The following HUWE1 variants were observed in gnomAD, a reference collection of about 807,000 sequenced individuals.
HUWE1 encodes E3 ubiquitin-protein ligase HUWE1.
HUWE1 carries 18 observed loss-of-function variants against 299.4 expected under a neutral mutation model. The observed-to-expected ratio is 0.06, with a 90% CI of 0.04 to 0.09. HUWE1 has a LOEUF of 0.09. Among genes scored for constraint, HUWE1 ranks in the 10% least tolerant of loss-of-function variants. The probability of loss-of-function intolerance (pLI) is 1.00; values close to 1 mark genes in which losing one functional copy is unlikely to be tolerated. For missense variants in HUWE1, 1,832 were observed against 3,462.3 expected (o/e 0.53, Z 11.82); for synonymous variants, 1,317 against 1,286.1 (o/e 1.02, Z -0.51).
chrX:53,533,502 C>A, intron 83 of HUWE1, 91 bp from the exon 84 acceptor site: 1 of 597,575 alleles, frequency 1.7e-6, no homozygotes, highest in East Asian at 3.5e-5. Context: ...CCTCCCCTCC[C>A]TGAAGAAACC....
chrX:53,604,927 GGAAGCCTCTCA>G (rs1286365421), intron 25 of HUWE1, 93 bp from the exon 26 acceptor site: 33 of 926,238 alleles, frequency 3.6e-5, no homozygotes, highest in Non-Finnish European at 5.0e-5. Flanking sequence ...ACAATTAAAT[GGAAGCCTCTCA>G]GATTTTGGAT....
At chrX:53,606,827 G>A (rs781979152) in intron 25 of HUWE1, among the ~76,000 whole-genome samples, 1 of 111,211 alleles carries the variant, frequency 9.0e-6, no homozygotes, top group Non-Finnish European at 1.9e-5. Flanking sequence ...TGGGGAGAGG[G>A]GAGGATGAGA....
Position 53,548,992 on chromosome X carries a change from T to G in HUWE1, c.10002A>C (p.Arg3334Ser). 3 of 1,206,433 alleles carry G rather than the reference T, an allele frequency of 2.5e-6. No individual in the cohort carries two copies. The highest frequency in any genetic ancestry group is 3.4e-6 in the Non-Finnish European group (3 of 892,685). ...ATTGAATGAGTGTATCCAAAACGTGTCTGCAGACAACAGGAGCAGCTTGGG... is the reference window on the plus strand; with the variant it reads ...ATTGAATGAGTGTATCCAAAACGTGGCTGCAGACAACAGGAGCAGCTTGGG... Reference protein sequence around the residue: ...IHPQAAPVVCRHVLDTLIQLA... With the variant: ...IHPQAAPVVCSHVLDTLIQLA... The change falls in exon 67 of 84, where the codon AGA becomes AGC. Residue 3334 changes from arginine to serine, a missense_variant. Arg to Ser is a moderately radical substitution (Grantham distance 110). Around this residue, in one of 15 missense-constraint regions of HUWE1, gnomAD observed 80 missense variants for 142.1 expected, o/e 0.56. Coordinates refer to ENST00000262854, the MANE Select transcript of HUWE1 (RefSeq NM_031407.7).
chrX:53,628,641 G>C (rs1557020097), intron 14 of HUWE1, 21 bp from the exon 15 acceptor site: 1 of 1,190,436 alleles, frequency 8.4e-7, no homozygotes, highest in Admixed American at 2.3e-5. Context: ...GGTGGGGAGA[G>C]GGAGAACAAA....
At chrX:53,680,389 A>C (rs2070066589) in intron 2 of HUWE1, among the ~76,000 whole-genome samples, 1 of 112,414 alleles carries the variant, frequency 8.9e-6, no homozygotes, top group African/African-American at 3.2e-5. Flanking sequence ...TAATACTTCT[A>C]ACGCTTAGAC....
At position 53,575,766 on chromosome X, in the gene HUWE1, A is replaced by G; in HGVS notation, c.5907T>C (p.Pro1969=). Residue 1969 remains proline (P), a synonymous_variant, in exon 45 of 84, where the codon CCT becomes CCC. Coordinates refer to ENST00000262854, the MANE Select transcript of HUWE1 (RefSeq NM_031407.7). The part of the protein sequence containing the change: ...PEEADKSDPK[P]GVMTQEVGQL... ...GGCCAACCTCTTGGGTCATAACCCC[A>G]GGTTTAGGATCAGATTTATCTGCTA... is the stretch of plus-strand genomic sequence containing the variant. The G allele has an allele frequency of 8.3e-7, 1 of 1,211,709 alleles. No homozygotes were observed. The highest frequency in any genetic ancestry group is 1.8e-5 in the South Asian group (1 of 56,969).
At position 53,561,746 on chromosome X, in the gene HUWE1, T is replaced by C; in HGVS notation, c.7507+10A>G. The C allele has an allele frequency of 8.3e-7, 1 of 1,210,670 alleles. No individual in the cohort carries two copies. Among genetic ancestry groups the C allele is most frequent in the Non-Finnish European group, 1.1e-6 (1 of 894,894 alleles). ...AGAGAGAAAAACCCAGCTGAGCCCC[T>C]GTATCTTACTAGCACTGGAGAACAT... On this transcript the variant is annotated intron_variant, in intron 55 of 83. Coordinates refer to ENST00000262854, the MANE Select transcript of HUWE1 (RefSeq NM_031407.7).
intron 7 of HUWE1, among the ~76,000 whole-genome samples, chrX:53,642,563 G>A (rs1158310100): frequency 2.7e-5 from 3 of 111,787 alleles, no homozygotes; most frequent in South Asian, 3.7e-4. Context: ...GAAATGATGC[G>A]ATCTCACCTT....
chrX:53,594,369 T>C, intron 31 of HUWE1, 130 bp downstream of exon 31: 1 of 750,337 alleles, frequency 1.3e-6, no homozygotes, highest in Non-Finnish European at 2.0e-6. Flanking sequence ...CACTGAAGGA[T>C]ACAACCAATA....
rs782587959 is a variant in HUWE1, at chrX:53,614,631, C to G, written c.2164G>C (p.Ala722Pro). 1 of 1,208,513 alleles carries G rather than the reference C, an allele frequency of 8.3e-7. No individual in the cohort carries two copies. Among genetic ancestry groups the G allele is most frequent in the African/African-American group, 1.7e-5 (1 of 57,717 alleles). ...TCATCCTCACTAGAGGCTTCTTCTG[C>G]GGCATGATTAGACCTTGGGGGAGGA... ...TAPPPRSNHA[A>P]EEASSEDEEE... Residue 722 changes from alanine to proline, a missense_variant, in exon 23 of 84, where the codon GCA becomes CCA. Transcript: ENST00000262854.
In HUWE1 at chrX:53,600,199, T is replaced by C. The variant is rs145758265; in HGVS notation, c.3082A>G (p.Thr1028Ala). ...GATTTGCCCTTAGAGTCTGAAGCAGTAGGTTCATCTGTCTCCATGGGAGCC... is the reference window on the plus strand; with the variant it reads ...GATTTGCCCTTAGAGTCTGAAGCAGCAGGTTCATCTGTCTCCATGGGAGCC... Reference protein sequence around the residue: ...TLAPMETDEPTASDSKGKSKI... With the variant: ...TLAPMETDEPAASDSKGKSKI... The change falls in exon 29 of 84, where the codon ACT becomes GCT. Residue 1028 changes from threonine to alanine, a missense_variant. Transcript: ENST00000262854. 7.5e-4 allele frequency: 907 copies of C among 1,207,806 alleles called. 2 individuals are homozygous for C. Among genetic ancestry groups the C allele is most frequent in the Non-Finnish European group, 7.0e-4 (626 of 892,925 alleles).
intron 83 of HUWE1, 107 bp downstream of exon 83, chrX:53,533,900 A>C: frequency 1.3e-6 from 1 of 768,358 alleles, no homozygotes; most frequent in Non-Finnish European, 2.0e-6. Context: ...CCCAAGGTCC[A>C]GGACTCAGCC....
intron 23 of HUWE1, 134 bp downstream of exon 23, chrX:53,614,400 G>T: frequency 1.8e-6 from 1 of 544,291 alleles, no homozygotes; most frequent in Non-Finnish European, 3.2e-6. Flanking sequence ...TACATTCTTA[G>T]AACCGGTTAG....
In HUWE1 at chrX:53,584,295, C is replaced by G; in HGVS notation, c.5052G>C (p.Arg1684Ser). Residue 1684 changes from arginine (R) to serine (S), a missense_variant, in exon 41 of 84, where the codon AGG (arginine) becomes AGC (serine). Coordinates refer to ENST00000262854, the MANE Select transcript of HUWE1 (RefSeq NM_031407.7). ...TTGAATTTTTATTCAGCCGAGGTAC[C>G]CTGAGGAGAGTCAGCATCACAGGGC... ...NRRPVMLTLL[R>S]VPRLNKNSKN... The G allele has an allele frequency of 3.3e-6, 4 of 1,207,092 alleles. No individual in the cohort carries two copies. Among genetic ancestry groups the G allele is most frequent in the Non-Finnish European group, 4.5e-6 (4 of 891,621 alleles).
intron 29 of HUWE1, among the ~76,000 whole-genome samples, chrX:53,597,386 C>T (rs2064548763): frequency 9.7e-6 from 1 of 103,552 alleles, no homozygotes; most frequent in Non-Finnish European, 2.0e-5. Context: ...TAGAAGTGAG[C>T]AGAAGGATTT....
At chrX:53,633,432 ACT>A (rs1479586388) in intron 8 of HUWE1, among the ~76,000 whole-genome samples, 1 of 112,446 alleles carries the variant, frequency 8.9e-6, no homozygotes, top group African/African-American at 3.2e-5. Context: ...AACAGACAAC[ACT>A]CACCTACTGT....
At chrX:53,573,669 T>C in intron 47 of HUWE1, 81 bp downstream of exon 47, 2 of 839,227 alleles carry the variant, frequency 2.4e-6, no homozygotes, top group Non-Finnish European at 3.6e-6. Context: ...CATGCACAGC[T>C]TCCCAGCAGT....
intron 42 of HUWE1, among the ~76,000 whole-genome samples, chrX:53,581,651 C>A (rs902766836): frequency 9.0e-5 from 10 of 110,955 alleles, no homozygotes; most frequent in African/African-American, 3.3e-4. Flanking sequence ...TGAAAAACAT[C>A]TTTTGGTATC....
At chrX:53,617,288 T>G (rs374093772) in intron 20 of HUWE1, 52 bp downstream of exon 20, 266 of 998,663 alleles carry the variant, frequency 2.7e-4, no homozygotes, top group Middle Eastern at 8.8e-4. Context: ...ACAGAAGAGA[T>G]AGGATTTTCA....
Sources: gnomAD v4.1 joint callset for allele counts (sites outside exome capture counted in the v4.1 genomes callset) on GRCh38, gnomAD v4.1.1 for gene constraint, gnomAD v4.1.1 regional missense constraint, MANE v1.5 for transcripts, NCBI Gene and HGNC (gene_info 2026-07-23, HGNC 2026-07-21) for gene names.